Variants in RUFY1 observed in about 807,000 individuals in gnomAD.
RUFY1 encodes the protein RUN and FYVE domain-containing protein 1.
In RUFY1, 54 loss-of-function variants were observed where a neutral mutation model predicts 94.6. The observed-to-expected ratio is 0.57, with a 90% CI of 0.46 to 0.72. The LOEUF is 0.72. RUFY1 is among the 30% of genes least tolerant of loss of function. The pLI is 0.00. For synonymous variants in RUFY1, 396 were observed against 347.3 expected, an observed-to-expected ratio of 1.14 and a Z score of -1.56; for missense variants, 883 against 883.9, an observed-to-expected ratio of 1.00 and a Z score of 0.01.
chr5:179,587,457 C>G (rs1228533079), intron 8 of RUFY1, among the ~76,000 whole-genome samples: 5 of 148,540 alleles, frequency 3.4e-5, no homozygotes, highest in Admixed American at 1.4e-4. Context: ...GATCTCCGCT[C>G]ACTGCAAGCT....
Position 179,550,645 on chromosome 5 carries a change from C to T in RUFY1, c.76C>T (p.Pro26Ser). 1 of 1,423,152 alleles carries T rather than the reference C, an allele frequency of 7.0e-7. No homozygotes were observed. Among genetic ancestry groups the T allele is most frequent in the South Asian group, 1.3e-5 (1 of 75,452 alleles). The allele number at this position is 1,423,152 out of a possible 1,614,324, so 88.2% of individuals were successfully genotyped here. The change falls in exon 1 of 18, where the codon CCC becomes TCC. Residue 26 changes from proline to serine, a missense_variant. Coordinates refer to ENST00000319449, the MANE Select transcript of RUFY1 (RefSeq NM_025158.5). ...LEPELEPGPG[P>S]GSALEPGEEF... ...GCCGGAGCTGGAGCCGGGGCCGGGG[C>T]CCGGGTCAGCGCTTGAGCCGGGAGA...
chr5:179,557,041 G>A (rs1242011570), intron 1 of RUFY1, among the ~76,000 whole-genome samples: 2 of 152,050 alleles, frequency 1.3e-5, no homozygotes, highest in Admixed American at 1.3e-4. Flanking sequence ...TTCATTCAAA[G>A]CAAATAATTG....
chr5:179,587,541 G>A lies in RUFY1; in HGVS notation c.1026+1676G>A, dbSNP rs368190448. Reference sequence around the variant, plus strand: ...CGAGTAGCTGGGACTACAGGCGCCCGCCACCACGCCCGGCTAAATTTTTTT... The same window carrying A: ...CGAGTAGCTGGGACTACAGGCGCCCACCACCACGCCCGGCTAAATTTTTTT... On this transcript the variant is annotated intron_variant, in intron 8 of 17. Coordinates refer to ENST00000319449, the MANE Select transcript of RUFY1 (RefSeq NM_025158.5). Among the ~76,000 whole-genome samples, 48 of 139,012 alleles carry A rather than the reference G, an allele frequency of 3.5e-4. No individual in the cohort carries two copies. In the East Asian group the frequency reaches 6.9e-3, roughly 20 times the overall value. The allele number at this position is 139,012 out of a possible 152,430, so 91.2% of individuals were successfully genotyped here. A position where few individuals can be genotyped will look rare whatever the true frequency, so the allele number is the denominator to read the frequency against.
At chr5:179,568,727 GTC>G (rs1763010170) in intron 4 of RUFY1, among the ~76,000 whole-genome samples, 1 of 152,130 alleles carries the variant, frequency 6.6e-6, no homozygotes, top group Non-Finnish European at 1.5e-5. Context: ...TAAGAGAAAA[GTC>G]TTATACGCAC....
intron 12 of RUFY1, chr5:179,596,024 C>T (rs1168693312): frequency 6.3e-6 from 1 of 158,934 alleles, no homozygotes; most frequent in Non-Finnish European, 1.4e-5. Context: ...CTTATGTCTA[C>T]ACCAAAACTA....
chr5:179,580,247 T>TATATA (rs1186486577), intron 6 of RUFY1, among the ~76,000 whole-genome samples: 6,042 of 46,694 alleles, frequency 0.13, 235 homozygotes, highest in African/African-American at 0.21. Flanking sequence ...GTGTGTATAT[T>TATATA]TTTTTTTTTT....
intron 15 of RUFY1, 51 bp downstream of exon 15, chr5:179,602,037 AC>A: frequency 6.9e-7 from 1 of 1,446,244 alleles, no homozygotes; most frequent in Non-Finnish European, 9.7e-7. Context: ...CAGGCTACCC[AC>A]CACATCCCTC....
intron 5 of RUFY1, among the ~76,000 whole-genome samples, chr5:179,573,518 C>T (rs546865979): frequency 6.6e-6 from 1 of 151,788 alleles, no homozygotes; most frequent in African/African-American, 2.4e-5. Context: ...TTGTTGTTGT[C>T]GTTTTGTTTT....
At chr5:179,582,500 T>C (rs1032481968) in intron 7 of RUFY1, among the ~76,000 whole-genome samples, 11 of 152,140 alleles carry the variant, frequency 7.2e-5, no homozygotes, top group Admixed American at 7.2e-4. Flanking sequence ...TGCTGGGTTA[T>C]AGGCATGAGC....
intron 6 of RUFY1, among the ~76,000 whole-genome samples, chr5:179,579,389 G>A (rs1189054356): frequency 4.0e-5 from 6 of 151,784 alleles, no homozygotes; most frequent in African/African-American, 9.7e-5. Flanking sequence ...GGAGTGTAGC[G>A]GCACTATCTG....
Position 179,607,630 on chromosome 5 carries a change from G to A in RUFY1, c.1954G>A (p.Glu652Lys), listed in dbSNP as rs1562125933. Residue 652 changes from glutamate to lysine, a missense_variant, in exon 17 of 18, where the codon GAG becomes AAG. Glu to Lys is a moderately conservative substitution (Grantham distance 56, BLOSUM62 1). Coordinates refer to ENST00000319449, the MANE Select transcript of RUFY1 (RefSeq NM_025158.5). ...CGAAGCGACACACTGTAGGCAGTGT[G>A]AGAAGGAGTTCTCCATTTCCCGGAG... ...DDEATHCRQC[E>K]KEFSISRRKH... The A allele has an allele frequency of 3.7e-6, 6 of 1,614,232 alleles. No homozygotes were observed. The highest frequency in any genetic ancestry group is 2.2e-5 in the South Asian group (2 of 91,088).
chr5:179,576,986 A>T, intron 5 of RUFY1, 89 bp from the exon 6 acceptor site: 1 of 916,390 alleles, frequency 1.1e-6, no homozygotes, highest in Non-Finnish European at 1.8e-6. Context: ...TAGGAAAGAG[A>T]TAAGAATGAA....
At position 179,550,610 on chromosome 5, in the gene RUFY1, GGGAGCT is replaced by G; in HGVS notation, c.47_52del (p.Leu16_Glu17del). ...GGCGGCTGCGCTGCTGGGCGGGGGC[GGGAGCT>G]GGAGCCGGAGCTGGAGCCGGGGCCG... On this transcript the variant is annotated inframe_deletion, in exon 1 of 18. Transcript: ENST00000319449. The G allele has an allele frequency of 3.0e-6, 4 of 1,317,248 alleles. No individual in the cohort carries two copies. The highest frequency in any genetic ancestry group is 3.8e-6 in the Non-Finnish European group (4 of 1,041,812). 81.6% of individuals were successfully genotyped at this position (1,317,248 alleles called of 1,614,324 possible).
At chr5:179,600,268 TCCA>T in intron 14 of RUFY1, among the ~76,000 whole-genome samples, 1 of 152,276 alleles carries the variant, frequency 6.6e-6, no homozygotes, top group South Asian at 2.1e-4. Context: ...GGGCCCGAGC[TCCA>T]CCGCTGCTCC....
rs57127812 is a variant in RUFY1, at chr5:179,608,920, C to CA, written c.1984-440dup. Among the ~76,000 whole-genome samples, 329 of 121,784 alleles carry CA rather than the reference C, an allele frequency of 2.7e-3. 3 individuals carry two copies. Among genetic ancestry groups the CA allele is most frequent in the Middle Eastern group, 0.017 (4 of 242 alleles). 79.9% of individuals were successfully genotyped at this position (121,784 alleles called of 152,430 possible). A position where few individuals can be genotyped will look rare whatever the true frequency, so the allele number is the denominator to read the frequency against. On this transcript the variant is annotated intron_variant, in intron 17 of 17. Transcript: ENST00000319449. ...CACCCCAGCCTGGGCGACAGAGACTCAAAAAAAAAAAAAAAAGCCGGGCGC... is the reference window on the plus strand; with the variant it reads ...CACCCCAGCCTGGGCGACAGAGACTCAAAAAAAAAAAAAAAAAGCCGGGCGC...
chr5:179,579,657 C>CTTCTTTTTTTTTTTTTTTTTTT (rs1433456916), intron 6 of RUFY1, among the ~76,000 whole-genome samples: 3 of 50,562 alleles, frequency 5.9e-5, no homozygotes, highest in African/African-American at 1.8e-4. Context: ...TTTTCTTCTT[C>CTTCTTTTTTTTTTTTTTTTTTT]TTTTTTTTTT....
At chr5:179,555,044 G>A (rs923842030) in intron 1 of RUFY1, among the ~76,000 whole-genome samples, 3 of 151,830 alleles carry the variant, frequency 2.0e-5, no homozygotes, top group Admixed American at 1.3e-4. Context: ...GAGAGTTTCC[G>A]CACATAGCAC....
rs917721277 is a variant in RUFY1 at position 179,589,594 on chromosome 5, C to G, written c.1075C>G (p.Gln359Glu). 2 of 1,614,012 alleles carry G rather than the reference C, an allele frequency of 1.2e-6. No homozygotes were observed. Among genetic ancestry groups the G allele is most frequent in the African/African-American group, 2.7e-5 (2 of 74,918 alleles). ...TTGCTCACTTCAAGAAGAACAGCAGCAGTTAAGAGAACAAAATGAATTAAT... is the reference window on the plus strand; with the variant it reads ...TTGCTCACTTCAAGAAGAACAGCAGGAGTTAAGAGAACAAAATGAATTAAT... ...RICSLQEEQQQLREQNELIRE... is the reference protein window; with the variant it reads ...RICSLQEEQQELREQNELIRE... Residue 359 changes from glutamine (Q) to glutamate (E), a missense_variant, in exon 9 of 18, where the codon CAG becomes GAG. Physicochemically the swap from Gln to Glu is conservative, Grantham distance 29. Coordinates refer to ENST00000319449, the MANE Select transcript of RUFY1 (RefSeq NM_025158.5).
chr5:179,565,435 T>C (rs1762771063), intron 3 of RUFY1, among the ~76,000 whole-genome samples: 1 of 152,070 alleles, frequency 6.6e-6, no homozygotes, highest in Non-Finnish European at 1.5e-5. Flanking sequence ...CCACTTGGCC[T>C]CCCAAAGTGC....
Sources: allele counts gnomAD v4.1 joint callset (sites outside exome capture counted in the v4.1 genomes callset), GRCh38; gene constraint gnomAD v4.1.1; transcripts MANE v1.5; gene names NCBI Gene and HGNC (gene_info 2026-07-23, HGNC 2026-07-21).